CDH12: variants seen among roughly 807,000 people sequenced by gnomAD.
The protein encoded by CDH12 is cadherin-12.
A neutral mutation model predicts 74.1 loss-of-function variants in CDH12; 41 were observed. The ratio of observed to expected loss-of-function variants is 0.55; its 90% confidence interval spans 0.43 to 0.72. CDH12 has a LOEUF of 0.72. Among genes scored for constraint, CDH12 ranks in the 30% least tolerant of loss-of-function variants. CDH12 has a pLI of 0.00. For missense variants in CDH12, 945 were observed against 977.2 expected, an observed-to-expected ratio of 0.97 and a Z score of 0.44; for synonymous variants, 399 against 355.0, an observed-to-expected ratio of 1.12 and a Z score of -1.39.
chr5:22,348,835 C>T (rs1039271024), intron 3 of CDH12, among the ~76,000 whole-genome samples: 1 of 152,134 alleles, frequency 6.6e-6, no homozygotes, highest in African/African-American at 2.4e-5. Flanking sequence ...ATGCCGTGAG[C>T]CTTCCATTCC....
chr5:21,872,943 CATCT>C (rs1751722895), intron 6 of CDH12, among the ~76,000 whole-genome samples: 1 of 87,120 alleles, frequency 1.1e-5, no homozygotes, highest in Non-Finnish European at 2.5e-5. Context: ...CATTTATCTG[CATCT>C]ATCTCTCTAT....
intron 2 of CDH12, among the ~76,000 whole-genome samples, chr5:22,415,772 G>A (rs1221766907): frequency 6.6e-6 from 1 of 152,110 alleles, no homozygotes; most frequent in African/African-American, 2.4e-5. Context: ...ACAAAAATTG[G>A]TTCTAGGAGT....
At chr5:22,089,395 T>C (rs1445718499) in intron 4 of CDH12, among the ~76,000 whole-genome samples, 1 of 152,122 alleles carries the variant, frequency 6.6e-6, no homozygotes, top group Non-Finnish European at 1.5e-5. Flanking sequence ...TGAAGGAGCC[T>C]AGACAGTGGA....
intron 1 of CDH12, among the ~76,000 whole-genome samples, chr5:22,769,554 C>T (rs1353877126): frequency 1.3e-5 from 2 of 152,032 alleles, no homozygotes; most frequent in Admixed American, 6.6e-5. Context: ...GATAGCCTAT[C>T]GTGGGACTTC....
chr5:22,055,131 G>C lies in CDH12; in HGVS notation c.231+23315C>G, dbSNP rs1306796018. Among the ~76,000 whole-genome samples the C allele has an allele frequency of 2.0e-5, 3 of 152,176 alleles. No homozygotes were observed. In the South Asian group the frequency reaches 6.2e-4, roughly 32 times the overall value. ...CTTTGCATCAGGAGGAGCAGCTCTA[G>C]CCTTGGAAAATTAGTAGAGTCCTAT... On this transcript the variant is annotated intron_variant, in intron 5 of 14. Transcript: ENST00000382254.
chr5:22,547,967 A>C (rs1039179603), intron 1 of CDH12, among the ~76,000 whole-genome samples: 1 of 152,188 alleles, frequency 6.6e-6, no homozygotes, highest in Non-Finnish European at 1.5e-5. Flanking sequence ...CATTGGATCC[A>C]AAGGAATGAA....
At chr5:22,353,139 C>T (rs1471721789) in intron 3 of CDH12, among the ~76,000 whole-genome samples, 1 of 152,196 alleles carries the variant, frequency 6.6e-6, no homozygotes, top group Non-Finnish European at 1.5e-5. Flanking sequence ...TCATCATTTT[C>T]TCTCCAACAG....
intron 1 of CDH12, among the ~76,000 whole-genome samples, chr5:22,586,690 G>C (rs1357449800): frequency 6.6e-6 from 1 of 151,718 alleles, no homozygotes; most frequent in Non-Finnish European, 1.5e-5. Context: ...ATCCTGATTT[G>C]AAATATATTT....
intron 1 of CDH12, among the ~76,000 whole-genome samples, chr5:22,593,525 CATTT>C (rs1736447776): frequency 6.6e-6 from 1 of 152,132 alleles, no homozygotes; most frequent in Non-Finnish European, 1.5e-5. Flanking sequence ...TCTCTGCTCT[CATTT>C]ATTTTCCTAG....
chr5:21,828,908 C>CTTTTTT (rs70957070), intron 8 of CDH12, among the ~76,000 whole-genome samples: 34 of 119,242 alleles, frequency 2.9e-4, no homozygotes, highest in African/African-American at 3.4e-4. Flanking sequence ...AATCCTATGT[C>CTTTTTT]TTTTTTTTTT....
intron 6 of CDH12, among the ~76,000 whole-genome samples, chr5:21,879,519 A>G (rs1003125054): frequency 6.6e-6 from 1 of 152,156 alleles, no homozygotes; most frequent in African/African-American, 2.4e-5. Flanking sequence ...TAACTATACT[A>G]TTATCTCTAA....
At chr5:22,800,776 A>T (rs1181491413) in intron 1 of CDH12, among the ~76,000 whole-genome samples, 1 of 152,048 alleles carries the variant, frequency 6.6e-6, no homozygotes, top group Admixed American at 6.5e-5. Context: ...CCAGAATGTT[A>T]TATATTCTAA....
At chr5:22,321,212 T>A (rs1372749634) in intron 3 of CDH12, among the ~76,000 whole-genome samples, 1 of 151,790 alleles carries the variant, frequency 6.6e-6, no homozygotes, top group Non-Finnish European at 1.5e-5. Flanking sequence ...TATTGCGGCA[T>A]TTTTCACAAT....
chr5:22,300,212 A>G (rs571922082), intron 3 of CDH12, among the ~76,000 whole-genome samples: 24 of 152,304 alleles, frequency 1.6e-4, no homozygotes, highest in East Asian at 9.7e-4. Flanking sequence ...GCCACAAAGT[A>G]AAAGTGTGGG....
At chr5:22,026,369 T>C (rs1738355398) in intron 5 of CDH12, among the ~76,000 whole-genome samples, 2 of 152,128 alleles carry the variant, frequency 1.3e-5, no homozygotes, top group African/African-American at 4.8e-5. Flanking sequence ...TGGCCACAAC[T>C]GGTTAAATCC....
At chr5:22,539,285 G>T (rs1470859363) in intron 1 of CDH12, among the ~76,000 whole-genome samples, 1 of 152,162 alleles carries the variant, frequency 6.6e-6, no homozygotes. Context: ...TGTACATAAA[G>T]TTTGTGCACT....
intron 3 of CDH12, among the ~76,000 whole-genome samples, chr5:22,230,982 C>T (rs529747025): frequency 6.6e-6 from 1 of 152,134 alleles, no homozygotes; most frequent in African/African-American, 2.4e-5. Context: ...TTTCAAATCA[C>T]AATGCCATAT....
intron 4 of CDH12, among the ~76,000 whole-genome samples, chr5:22,194,523 G>T (rs1750513187): frequency 6.6e-6 from 1 of 151,630 alleles, no homozygotes; most frequent in South Asian, 2.1e-4. Context: ...GTAGAGACAG[G>T]GTTTCACCAT....
intron 1 of CDH12, among the ~76,000 whole-genome samples, chr5:22,759,471 A>G (rs1048049823): frequency 6.6e-6 from 1 of 152,124 alleles, no homozygotes; most frequent in African/African-American, 2.4e-5. Flanking sequence ...CCTCGAAGCA[A>G]CTGAATAGAT....
Sources: gnomAD v4.1 joint callset for allele counts (sites outside exome capture counted in the v4.1 genomes callset) on GRCh38, gnomAD v4.1.1 for gene constraint, MANE v1.5 for transcripts, NCBI Gene and HGNC (gene_info 2026-07-23, HGNC 2026-07-21) for gene names.